Variants in RABGAP1L observed in about 807,000 individuals in gnomAD.
RABGAP1L encodes the protein RAB GTPase activating protein 1 like, also known as rab GTPase-activating protein 1-like.
Under a neutral mutation model 137.7 loss-of-function variants are expected in RABGAP1L, and 63 were observed. The observed-to-expected ratio is 0.46, with a 90% CI of 0.37 to 0.56. The LOEUF is 0.56. Ranked by LOEUF, RABGAP1L falls within the 20% of genes least tolerant of loss-of-function variation. RABGAP1L has a pLI of 0.00. For synonymous variants in RABGAP1L, 431 were observed against 433.7 expected, an observed-to-expected ratio of 0.99 and a Z score of 0.08; for missense variants, 1,095 against 1,244.0, an observed-to-expected ratio of 0.88 and a Z score of 1.80.
chr1:174,788,360 G>A (rs1573199873), intron 18 of RABGAP1L, among the ~76,000 whole-genome samples: 1 of 152,140 alleles, frequency 6.6e-6, no homozygotes, highest in South Asian at 2.1e-4. Flanking sequence ...TTGTATTAGT[G>A]AGTTATACAA....
chr1:174,648,198 A>C (rs77552216), intron 14 of RABGAP1L, among the ~76,000 whole-genome samples: 1 of 151,356 alleles, frequency 6.6e-6, no homozygotes, highest in Non-Finnish European at 1.5e-5. Context: ...TTTCATGTCT[A>C]TCTCCTTCAG....
At chr1:174,366,778 G>GA (rs71117562) in intron 11 of RABGAP1L, among the ~76,000 whole-genome samples, 52 of 94,816 alleles carry the variant, frequency 5.5e-4, no homozygotes, top group African/African-American at 1.3e-3. Flanking sequence ...CCGTCTCCAG[G>GA]AAAAAAAAAA....
At chr1:174,833,396 G>GTGTA (rs1558126993) in intron 19 of RABGAP1L, among the ~76,000 whole-genome samples, 20 of 43,020 alleles carry the variant, frequency 4.6e-4, no homozygotes, top group Non-Finnish European at 1.6e-3. Flanking sequence ...GTGTGTGTGT[G>GTGTA]TGTGTATGTG....
At chr1:174,191,561 C>T (rs530234058) in intron 1 of RABGAP1L, among the ~76,000 whole-genome samples, 1 of 152,276 alleles carries the variant, frequency 6.6e-6, no homozygotes, top group East Asian at 1.9e-4. Context: ...ATAAATTGGG[C>T]CAATAATGTG....
intron 19 of RABGAP1L, among the ~76,000 whole-genome samples, chr1:174,833,468 A>ATATATATATAT (rs1279866308): frequency 2.5e-4 from 27 of 107,306 alleles, no homozygotes; most frequent in Non-Finnish European, 4.0e-4. Context: ...ATATATATAT[A>ATATATATATAT]GTAGAGACAG....
intron 13 of RABGAP1L, among the ~76,000 whole-genome samples, chr1:174,540,413 T>A (rs1270980461): frequency 1.3e-5 from 2 of 152,246 alleles, no homozygotes; most frequent in Non-Finnish European, 2.9e-5. Flanking sequence ...CCCCTAGGGT[T>A]TTTATGGTTT....
intron 13 of RABGAP1L, among the ~76,000 whole-genome samples, chr1:174,525,656 C>T (rs1663811189): frequency 6.6e-6 from 1 of 152,130 alleles, no homozygotes; most frequent in Non-Finnish European, 1.5e-5. Context: ...ATTGCTGTGG[C>T]TGGAACTTCC....
At chr1:174,908,944 C>A (rs1350412766) in intron 19 of RABGAP1L, among the ~76,000 whole-genome samples, 4 of 150,138 alleles carry the variant, frequency 2.7e-5, no homozygotes, top group African/African-American at 9.8e-5. Context: ...GAGGCCGAGG[C>A]GGGCAGATCA....
intron 13 of RABGAP1L, among the ~76,000 whole-genome samples, chr1:174,400,443 C>T (rs1648433441): frequency 1.3e-5 from 2 of 152,030 alleles, no homozygotes; most frequent in African/African-American, 4.8e-5. Context: ...TGGCATAGGG[C>T]CTGCCTGACA....
chr1:174,215,415 C>G (rs1669214778), intron 1 of RABGAP1L, among the ~76,000 whole-genome samples: 1 of 150,784 alleles, frequency 6.6e-6, no homozygotes, highest in Non-Finnish European at 1.5e-5. Context: ...CAATGTTGCG[C>G]CATTATATTC....
intron 19 of RABGAP1L, among the ~76,000 whole-genome samples, chr1:174,925,280 G>A (rs927376853): frequency 2.7e-5 from 4 of 149,840 alleles, no homozygotes; most frequent in Admixed American, 2.7e-4. Flanking sequence ...CCCAGGAGGC[G>A]GAGCTTGCAG....
chr1:174,186,539 C>T lies in RABGAP1L; in HGVS notation c.-34+26882C>T, dbSNP rs112757311. On this transcript the variant is annotated intron_variant, in intron 1 of 25. Transcript: ENST00000681986. ...TGTCTACTATATAGATCCCTGCTCC[C>T]CTTCTACACCAACCTGTAGAAAAAC... Among the ~76,000 whole-genome samples, 186 of 152,282 alleles carry T rather than the reference C, an allele frequency of 1.2e-3. 1 individual carries two copies. The highest frequency in any genetic ancestry group is 4.4e-3 in the African/African-American group (181 of 41,540).
rs1167997188 is a variant in RABGAP1L, at chr1:174,957,559, A to G, written c.2433+10A>G. The G allele has an allele frequency of 1.1e-5, 17 of 1,585,586 alleles. No homozygotes were observed. The Admixed American group carries it at 2.3e-4, about 22-fold the overall frequency. ...AATGGATAGATACAAGGTATGAGAA[A>G]TATGTTGCACCTATCAAAGTACCTT... On this transcript the variant is annotated intron_variant, in intron 20 of 25. Transcript: ENST00000681986.
intron 19 of RABGAP1L, among the ~76,000 whole-genome samples, chr1:174,855,092 G>A (rs77355695): frequency 0.022 from 3,288 of 151,976 alleles, 52 homozygotes; most frequent in Middle Eastern, 0.082. Flanking sequence ...CCCTTTTCAA[G>A]TTAGATTTTC....
chr1:174,987,770 G>A (rs1437776646), intron 24 of RABGAP1L, among the ~76,000 whole-genome samples: 1 of 152,170 alleles, frequency 6.6e-6, no homozygotes, highest in African/African-American at 2.4e-5. Flanking sequence ...TTAGTGCTGT[G>A]TGCCCGATTG....
chr1:174,942,243 C>G (rs867852486), intron 19 of RABGAP1L, among the ~76,000 whole-genome samples: 1 of 152,230 alleles, frequency 6.6e-6, no homozygotes, highest in Middle Eastern at 3.4e-3. Context: ...GAAACTCATA[C>G]CTAAATGTAT....
At chr1:174,547,400 T>G (rs948630944) in intron 13 of RABGAP1L, among the ~76,000 whole-genome samples, 4 of 152,142 alleles carry the variant, frequency 2.6e-5, no homozygotes, top group Non-Finnish European at 4.4e-5. Flanking sequence ...GAGGATCACT[T>G]GAGCCTACGA....
intron 11 of RABGAP1L, among the ~76,000 whole-genome samples, chr1:174,355,428 A>G (rs545210649): frequency 2.3e-4 from 33 of 143,496 alleles, no homozygotes; most frequent in Admixed American, 1.1e-3. Context: ...ACACGTGGAC[A>G]CAGGAAGGGG....
At chr1:174,569,832 G>A (rs12080535) in intron 13 of RABGAP1L, among the ~76,000 whole-genome samples, 58,999 of 152,086 alleles carry the variant, frequency 0.39, 14,380 homozygotes, top group African/African-American at 0.69. Flanking sequence ...GCTAGACAAG[G>A]TTGTTTGCAT....
Sources: allele counts gnomAD v4.1 joint callset (sites outside exome capture counted in the v4.1 genomes callset), GRCh38; gene constraint gnomAD v4.1.1; transcripts MANE v1.5; gene names NCBI Gene and HGNC (gene_info 2026-07-23, HGNC 2026-07-21).